The following BCKDHB variants were observed in gnomAD, a reference collection of about 807,000 sequenced individuals.
BCKDHB encodes the protein branched chain keto acid dehydrogenase E1 subunit beta.
Under a neutral mutation model 48.5 loss-of-function variants are expected in BCKDHB, and 41 were observed. That is an observed-to-expected ratio of 0.85 (90% CI 0.66 to 1.10). The LOEUF (loss-of-function observed/expected upper bound fraction) is 1.10. Among genes scored for constraint, BCKDHB ranks in the 50% least tolerant of loss-of-function variants. BCKDHB has a pLI of 0.00. For synonymous variants in BCKDHB, 201 were observed against 174.8 expected (o/e 1.15, Z -1.18); for missense variants, 496 against 494.2 (o/e 1.00, Z -0.03).
chr6:80,420,223 T>G, the BCKDHB span, among the ~76,000 whole-genome samples: 1 of 152,228 alleles, frequency 6.6e-6, no homozygotes, highest in African/African-American at 2.4e-5. Flanking sequence ...TCCTTGATTC[T>G]TCTTGTTCCT....
intron 3 of BCKDHB, among the ~76,000 whole-genome samples, chr6:80,154,490 A>G (rs1644769058): frequency 1.3e-5 from 2 of 152,258 alleles, no homozygotes; most frequent in Admixed American, 6.5e-5. Context: ...TTCATTAAAG[A>G]TCTTATCTAA....
intron 9 of BCKDHB, among the ~76,000 whole-genome samples, chr6:80,313,923 C>A (rs1223693383): frequency 6.6e-6 from 1 of 152,160 alleles, no homozygotes; most frequent in Non-Finnish European, 1.5e-5. Flanking sequence ...TAAATTTCCT[C>A]CTCAACACTG....
chr6:80,390,557 C>G, the BCKDHB span, among the ~76,000 whole-genome samples: 1 of 152,144 alleles, frequency 6.6e-6, no homozygotes. Flanking sequence ...TATCATGTGA[C>G]ATAAGATTTA....
At chr6:80,265,004 A>G (rs913806427) in intron 8 of BCKDHB, among the ~76,000 whole-genome samples, 7 of 152,072 alleles carry the variant, frequency 4.6e-5, no homozygotes, top group African/African-American at 1.2e-4. Context: ...CACAATCACA[A>G]TGAGATACCA....
At chr6:80,444,945 AC>A in the BCKDHB span, among the ~76,000 whole-genome samples, 3 of 152,304 alleles carry the variant, frequency 2.0e-5, no homozygotes, top group South Asian at 6.2e-4. Context: ...CCTTCCTGAT[AC>A]AGAATTTTTT....
rs1188119289 is a variant in BCKDHB at position 80,345,806 on chromosome 6, G to A, written c.*2002G>A. On this transcript the variant is annotated 3_prime_UTR_variant, in exon 10 of 10. Coordinates refer to ENST00000320393, the MANE Select transcript of BCKDHB (RefSeq NM_183050.4). ...GCTATTTTTAAAGTAATATTCAGAT[G>A]TGGTTTTAAATTTAGATTATGTATT... 1 of 152,060 alleles carries A rather than the reference G, an allele frequency of 6.6e-6. No individual in the cohort carries two copies. The highest frequency in any genetic ancestry group is 1.5e-5 in the Non-Finnish European group (1 of 68,006). 9.4% of individuals were successfully genotyped at this position (152,060 alleles called of 1,614,324 possible).
the BCKDHB span, among the ~76,000 whole-genome samples, chr6:80,429,908 A>C: frequency 6.6e-6 from 1 of 152,206 alleles, no homozygotes; most frequent in African/African-American, 2.4e-5. Context: ...TATGTTGAAT[A>C]GGATTGTTGA....
chr6:80,331,836 A>G (rs758588278), intron 9 of BCKDHB, among the ~76,000 whole-genome samples: 1 of 152,190 alleles, frequency 6.6e-6, no homozygotes, highest in East Asian at 1.9e-4. Context: ...CAAAGTACCT[A>G]CTGCTGAAGT....
At chr6:80,411,931 G>A in the BCKDHB span, among the ~76,000 whole-genome samples, 1 of 152,206 alleles carries the variant, frequency 6.6e-6, no homozygotes, top group Non-Finnish European at 1.5e-5. Flanking sequence ...GTGAGGCCCT[G>A]CCCTGCTTTG....
At chr6:80,327,135 T>C (rs1769070522) in intron 9 of BCKDHB, among the ~76,000 whole-genome samples, 1 of 152,220 alleles carries the variant, frequency 6.6e-6, no homozygotes, top group South Asian at 2.1e-4. Context: ...CCCCAACTTA[T>C]GATGGGGTTA....
the BCKDHB span, among the ~76,000 whole-genome samples, chr6:80,382,333 A>G: frequency 1.3e-5 from 2 of 151,632 alleles, no homozygotes; most frequent in South Asian, 4.2e-4. Flanking sequence ...TGAAATAACA[A>G]ATGACATTTG....
chr6:80,201,102 A>G, intron 7 of BCKDHB, 71 bp downstream of exon 7: 4 of 1,279,408 alleles, frequency 3.1e-6, no homozygotes, highest in South Asian at 1.2e-5. Flanking sequence ...ATCCTGATAC[A>G]TGAAAAATTG....
intron 1 of BCKDHB, among the ~76,000 whole-genome samples, chr6:80,113,420 C>T (rs192996085): frequency 2.6e-5 from 4 of 152,184 alleles, no homozygotes; most frequent in African/African-American, 4.8e-5. Context: ...CCAAACTGGG[C>T]GGTGGTGGTC....
intron 9 of BCKDHB, among the ~76,000 whole-genome samples, chr6:80,286,460 A>G (rs1355022861): frequency 6.6e-6 from 1 of 152,228 alleles, no homozygotes; most frequent in Non-Finnish European, 1.5e-5. Context: ...TTAATAATAT[A>G]AAGCAGCATT....
At chr6:80,409,574 G>GCA in the BCKDHB span, among the ~76,000 whole-genome samples, 1 of 46,940 alleles carries the variant, frequency 2.1e-5, no homozygotes, top group Admixed American at 3.6e-4. Flanking sequence ...TGTATTGGTT[G>GCA]CATATATATA....
In BCKDHB at chr6:80,132,011, T is replaced by C. The variant is rs536552655; in HGVS notation, c.343+2782T>C. Among the ~76,000 whole-genome samples the C allele has an allele frequency of 2.0e-5, 3 of 152,248 alleles. No individual in the cohort carries two copies. The South Asian group carries it at 6.2e-4, about 32-fold the overall frequency. ...GCTTTTATTTTTATTTTATTTATTT[T>C]ATCTATTTTTTAGTTTTTACTCTAC... On this transcript the variant is annotated intron_variant, in intron 3 of 9. Transcript: ENST00000320393.
At chr6:80,376,505 A>G in the BCKDHB span, among the ~76,000 whole-genome samples, 2 of 152,186 alleles carry the variant, frequency 1.3e-5, no homozygotes, top group South Asian at 4.1e-4. Context: ...TGCAATGGCA[A>G]TCCACCTCCT....
the BCKDHB span, among the ~76,000 whole-genome samples, chr6:80,413,973 A>AT: frequency 3.9e-5 from 6 of 151,954 alleles, no homozygotes; most frequent in African/African-American, 1.5e-4. Context: ...TTACTTTTTG[A>AT]TTTTTTAATA....
intron 8 of BCKDHB, among the ~76,000 whole-genome samples, chr6:80,224,475 C>T (rs552487073): frequency 1.3e-5 from 2 of 152,202 alleles, no homozygotes; most frequent in African/African-American, 2.4e-5. Context: ...TCACTGCAAC[C>T]TCTGCCTCCC....
Sources: allele counts gnomAD v4.1 joint callset (sites outside exome capture counted in the v4.1 genomes callset), GRCh38; gene constraint gnomAD v4.1.1; transcripts MANE v1.5; gene names NCBI Gene and HGNC (gene_info 2026-07-23, HGNC 2026-07-21).